EEF1AKMT1: variants seen among roughly 807,000 people sequenced by gnomAD.
EEF1AKMT1 encodes the protein N-6 adenine-specific DNA methyltransferase 2 (putative).
Under a neutral mutation model 21.0 loss-of-function variants are expected in EEF1AKMT1, and 18 were observed. The ratio of observed to expected loss-of-function variants is 0.86; its 90% CI spans 0.59 to 1.27. The LOEUF is 1.27. Among genes scored for constraint, EEF1AKMT1 ranks in the 50% most tolerant of loss-of-function variants. The probability of loss-of-function intolerance (pLI) is 0.00; values close to 1 mark genes in which losing one functional copy is unlikely to be tolerated. For synonymous variants in EEF1AKMT1, 109 were observed against 94.8 expected, an observed-to-expected ratio of 1.15 and a Z score of -0.87; for missense variants, 246 against 258.6, an observed-to-expected ratio of 0.95 and a Z score of 0.33.
chr13:20,772,522 G>A (rs2059067750), intron 1 of EEF1AKMT1, among the ~76,000 whole-genome samples: 1 of 152,194 alleles, frequency 6.6e-6, no homozygotes, highest in African/African-American at 2.4e-5. Context: ...CCTACAAGCT[G>A]CAGTTGAGAA....
At chr13:20,746,414 G>A (rs578015589) in intron 2 of EEF1AKMT1, among the ~76,000 whole-genome samples, 4 of 152,330 alleles carry the variant, frequency 2.6e-5, no homozygotes, top group South Asian at 2.1e-4. Flanking sequence ...GCTTCCCAAA[G>A]TGCTGGGATT....
At chr13:20,732,594 A>C (rs867287561) in intron 3 of EEF1AKMT1, among the ~76,000 whole-genome samples, 1 of 152,206 alleles carries the variant, frequency 6.6e-6, no homozygotes, top group Non-Finnish European at 1.5e-5. Context: ...CGGCCTCCCA[A>C]AGTGCTGGGA....
chr13:20,738,992 C>G (rs1470607730), intron 2 of EEF1AKMT1, among the ~76,000 whole-genome samples: 1 of 152,202 alleles, frequency 6.6e-6, no homozygotes, highest in East Asian at 1.9e-4. Flanking sequence ...TGTGACAGTT[C>G]TTAAAGATAG....
chr13:20,765,454 C>T (rs1433585593), intron 1 of EEF1AKMT1, among the ~76,000 whole-genome samples: 7 of 110,254 alleles, frequency 6.3e-5, no homozygotes, highest in Non-Finnish European at 1.0e-4. Flanking sequence ...ACTCTTTCGC[C>T]CAGGCTGGAG....
At chr13:20,751,730 C>T (rs1209753756) in intron 2 of EEF1AKMT1, among the ~76,000 whole-genome samples, 3 of 151,710 alleles carry the variant, frequency 2.0e-5, no homozygotes, top group African/African-American at 4.8e-5. Flanking sequence ...TGGATATATA[C>T]ATTGCTTTGG....
chr13:20,765,674 G>A (rs2059026947), intron 1 of EEF1AKMT1, among the ~76,000 whole-genome samples: 1 of 151,958 alleles, frequency 6.6e-6, no homozygotes, highest in Non-Finnish European at 1.5e-5. Flanking sequence ...GGCTCCCAAA[G>A]TGCTGGGATT....
intron 3 of EEF1AKMT1, 43 bp downstream of exon 3, chr13:20,737,680 A>G (rs2058833952): frequency 1.3e-6 from 2 of 1,515,704 alleles, no homozygotes; most frequent in Admixed American, 1.7e-5. Context: ...AAGACATTCA[A>G]AATATTACAT....
chr13:20,765,780 T>C (rs2059027677), intron 1 of EEF1AKMT1, among the ~76,000 whole-genome samples: 1 of 151,976 alleles, frequency 6.6e-6, no homozygotes, highest in Non-Finnish European at 1.5e-5. Flanking sequence ...TTTTTTTTTT[T>C]AGAATTCTTT....
At chr13:20,748,677 C>T (rs2058921897) in intron 2 of EEF1AKMT1, among the ~76,000 whole-genome samples, 1 of 149,058 alleles carries the variant, frequency 6.7e-6, no homozygotes, top group Non-Finnish European at 1.5e-5. Context: ...CTCTCATACA[C>T]ATCATTTGCC....
At chr13:20,739,870 C>T (rs961533457) in intron 2 of EEF1AKMT1, among the ~76,000 whole-genome samples, 1 of 152,254 alleles carries the variant, frequency 6.6e-6, no homozygotes, top group African/African-American at 2.4e-5. Context: ...CTGGCTTCAC[C>T]TAGTGGATCC....
At chr13:20,767,034 C>T (rs914658216) in intron 1 of EEF1AKMT1, among the ~76,000 whole-genome samples, 5 of 152,028 alleles carry the variant, frequency 3.3e-5, no homozygotes, top group South Asian at 4.1e-4. Flanking sequence ...GGGCCAGGCG[C>T]GGTGACTCAC....
intron 2 of EEF1AKMT1, among the ~76,000 whole-genome samples, chr13:20,751,846 T>A (rs1436324187): frequency 6.6e-6 from 1 of 152,194 alleles, no homozygotes; most frequent in African/African-American, 2.4e-5. Flanking sequence ...TAGTCTTCCT[T>A]GTAGACACCT....
chr13:20,772,951 A>G (rs764634606), intron 1 of EEF1AKMT1, among the ~76,000 whole-genome samples: 1 of 152,170 alleles, frequency 6.6e-6, no homozygotes, highest in African/African-American at 2.4e-5. Context: ...GCCATCCCAG[A>G]CTCCAGTAAA....
chr13:20,773,282 C>T (rs962933846), intron 1 of EEF1AKMT1, among the ~76,000 whole-genome samples: 1 of 152,166 alleles, frequency 6.6e-6, no homozygotes, highest in Non-Finnish European at 1.5e-5. Flanking sequence ...GAAGGCCTTC[C>T]TGTCTGACAT....
intron 2 of EEF1AKMT1, among the ~76,000 whole-genome samples, chr13:20,744,234 G>A (rs189730935): frequency 3.9e-5 from 6 of 152,234 alleles, no homozygotes; most frequent in South Asian, 2.1e-4. Context: ...GGTATTTCTC[G>A]TTCTAGAGCC....
intron 3 of EEF1AKMT1, among the ~76,000 whole-genome samples, chr13:20,734,009 C>T (rs1299781740): frequency 6.6e-6 from 1 of 152,122 alleles, no homozygotes; most frequent in Non-Finnish European, 1.5e-5. Context: ...CATGTGTTTC[C>T]CTGCTGGCAG....
intron 1 of EEF1AKMT1, among the ~76,000 whole-genome samples, chr13:20,758,427 T>C (rs1050169701): frequency 7.9e-5 from 12 of 152,230 alleles, no homozygotes; most frequent in African/African-American, 2.7e-4. Context: ...CATGTACTGA[T>C]TGATGTCTTA....
intron 2 of EEF1AKMT1, among the ~76,000 whole-genome samples, chr13:20,754,741 CAA>C (rs56777421): frequency 0.28 from 32,516 of 115,492 alleles, 3,484 homozygotes; most frequent in Middle Eastern, 0.37. Flanking sequence ...ACCAAAAATA[CAA>C]AAAAAAAAAA....
chr13:20,742,559 G>C (rs773772505), intron 2 of EEF1AKMT1, among the ~76,000 whole-genome samples: 3 of 152,186 alleles, frequency 2.0e-5, no homozygotes, highest in Non-Finnish European at 2.9e-5. Context: ...TCACAAAAAT[G>C]ACCATGAATG....
Sources: gnomAD v4.1 joint callset for allele counts (sites outside exome capture counted in the v4.1 genomes callset) on GRCh38, gnomAD v4.1.1 for gene constraint, MANE v1.5 for transcripts, NCBI Gene and HGNC (gene_info 2026-07-23, HGNC 2026-07-21) for gene names.